The following CSNK1G1 variants were observed in gnomAD, a reference collection of about 807,000 sequenced individuals.
The protein encoded by CSNK1G1 is casein kinase I isoform gamma-1.
Under a neutral mutation model 59.6 loss-of-function variants are expected in CSNK1G1, and 22 were observed. That is an observed-to-expected ratio of 0.37 (90% CI 0.26 to 0.53). The LOEUF (loss-of-function observed/expected upper bound fraction) is 0.53. CSNK1G1 is among the 20% of genes least tolerant of loss of function. CSNK1G1 has a pLI of 0.89. For synonymous variants in CSNK1G1, 179 were observed against 177.1 expected (o/e 1.01, Z -0.08); for missense variants, 384 against 519.5 (o/e 0.74, Z 2.54).
intron 2 of CSNK1G1, among the ~76,000 whole-genome samples, chr15:64,268,929 A>G (rs992812383): frequency 6.6e-6 from 1 of 152,214 alleles, no homozygotes; most frequent in African/African-American, 2.4e-5. Flanking sequence ...AATGCAGTAC[A>G]AAAGTGCTCA....
Position 64,274,571 on chromosome 15 carries a change from A to G in CSNK1G1, c.182-15330T>C, listed in dbSNP as rs545557791. Among the ~76,000 whole-genome samples, 6 of 152,288 alleles carry G rather than the reference A, an allele frequency of 3.9e-5. No individual in the cohort carries two copies. In the East Asian group the frequency reaches 9.7e-4, roughly 24 times the overall value. On this transcript the variant is annotated intron_variant, in intron 2 of 11. Transcript: ENST00000303052. ...CGCTTCCCAAGCTCACTTCCTGGCT[A>G]TTGGTTCCTTTATTCTTAATAGAAA...
intron 10 of CSNK1G1, among the ~76,000 whole-genome samples, chr15:64,197,769 C>A (rs544051004): frequency 3.2e-4 from 48 of 152,234 alleles, no homozygotes; most frequent in African/African-American, 1.1e-3. Context: ...GCTTAAAAAT[C>A]TTTAGTCCCT....
At chr15:64,238,444 G>C (rs1273715926) in intron 4 of CSNK1G1, among the ~76,000 whole-genome samples, 1 of 127,776 alleles carries the variant, frequency 7.8e-6, no homozygotes, top group African/African-American at 3.0e-5. Context: ...AGTAAGCTAT[G>C]ATCACGCCAC....
At chr15:64,316,519 G>C (rs1348584091) in intron 1 of CSNK1G1, among the ~76,000 whole-genome samples, 1 of 116,878 alleles carries the variant, frequency 8.6e-6, no homozygotes, top group African/African-American at 3.4e-5. Flanking sequence ...CTGGACGAGA[G>C]AGCAAGACTC....
At chr15:64,279,326 T>C (rs375514232) in intron 2 of CSNK1G1, among the ~76,000 whole-genome samples, 3 of 152,240 alleles carry the variant, frequency 2.0e-5, no homozygotes, top group African/African-American at 7.2e-5. Context: ...TTTTGACTGC[T>C]ATTGTAGGAA....
intron 2 of CSNK1G1, among the ~76,000 whole-genome samples, chr15:64,262,888 G>C (rs1014862959): frequency 6.6e-6 from 1 of 152,026 alleles, no homozygotes; most frequent in Non-Finnish European, 1.5e-5. Flanking sequence ...AGACCAGCCT[G>C]ACCAACATGG....
intron 11 of CSNK1G1, among the ~76,000 whole-genome samples, chr15:64,173,933 C>T (rs773238127): frequency 3.3e-5 from 5 of 152,014 alleles, no homozygotes; most frequent in East Asian, 1.9e-4. Flanking sequence ...TTTTTCTATA[C>T]GTAATGCTTT....
intron 1 of CSNK1G1, among the ~76,000 whole-genome samples, chr15:64,347,452 A>T (rs919020541): frequency 1.3e-5 from 2 of 151,982 alleles, no homozygotes; most frequent in African/African-American, 4.8e-5. Context: ...TACAACAGAA[A>T]ATTATTCAGC....
chr15:64,246,703 C>A (rs1275532424), intron 4 of CSNK1G1, among the ~76,000 whole-genome samples: 1 of 151,020 alleles, frequency 6.6e-6, no homozygotes, highest in Non-Finnish European at 1.5e-5. Flanking sequence ...TATAAGAGAG[C>A]CAAATCAGAA....
intron 10 of CSNK1G1, among the ~76,000 whole-genome samples, chr15:64,182,427 A>G (rs1436535690): frequency 1.3e-5 from 2 of 152,294 alleles, no homozygotes; most frequent in East Asian, 3.9e-4. Flanking sequence ...GGAGACTTAA[A>G]GATTAAAACG....
chr15:64,313,809 A>C (rs112690120), intron 1 of CSNK1G1, among the ~76,000 whole-genome samples: 2,222 of 151,238 alleles, frequency 0.015, 52 homozygotes, highest in African/African-American at 0.045. Flanking sequence ...AAAAAACCCC[A>C]AAAACCAAGA....
At chr15:64,319,472 T>C (rs181832152) in intron 1 of CSNK1G1, among the ~76,000 whole-genome samples, 1 of 152,328 alleles carries the variant, frequency 6.6e-6, no homozygotes, top group Admixed American at 6.5e-5. Flanking sequence ...AAGTGCTTTC[T>C]TGAGGTGATT....
intron 1 of CSNK1G1, among the ~76,000 whole-genome samples, chr15:64,343,105 G>C (rs545241414): frequency 3.3e-5 from 5 of 151,792 alleles, no homozygotes; most frequent in Non-Finnish European, 7.4e-5. Context: ...CCAGCTATTC[G>C]GGAGGCCAAG....
chr15:64,225,482 G>T (rs2082447580), intron 4 of CSNK1G1, among the ~76,000 whole-genome samples: 1 of 152,154 alleles, frequency 6.6e-6, no homozygotes, highest in Non-Finnish European at 1.5e-5. Flanking sequence ...TAGGTGAGAT[G>T]CCTCTGATTG....
At chr15:64,201,745 TG>T (rs879781728) in intron 10 of CSNK1G1, among the ~76,000 whole-genome samples, 4,304 of 136,838 alleles carry the variant, frequency 0.031, 70 homozygotes, top group South Asian at 0.057. Flanking sequence ...TGTGTGTGTG[TG>T]TGTGTTTATA....
chr15:64,217,835 T>A (rs1331950902), intron 4 of CSNK1G1, among the ~76,000 whole-genome samples: 1 of 151,714 alleles, frequency 6.6e-6, no homozygotes, highest in African/African-American at 2.4e-5. Flanking sequence ...AAAAAAAGAT[T>A]ATAGAACACT....
At chr15:64,323,562 T>C (rs1896681169) in intron 1 of CSNK1G1, among the ~76,000 whole-genome samples, 1 of 151,350 alleles carries the variant, frequency 6.6e-6, no homozygotes, top group African/African-American at 2.4e-5. Flanking sequence ...ATGGGGTTTC[T>C]CCATGTTGGT....
chr15:64,180,006 T>C, intron 11 of CSNK1G1: 1 of 203,706 alleles, frequency 4.9e-6, no homozygotes, highest in Non-Finnish European at 1.0e-5. Flanking sequence ...TGGCCCATGG[T>C]TTAACAGCAG....
In CSNK1G1 at chr15:64,166,233, A is replaced by C. The variant is rs1287533416; in HGVS notation, c.*5698T>G. On this transcript the variant is annotated 3_prime_UTR_variant, in exon 12 of 12. Coordinates refer to ENST00000303052, the MANE Select transcript of CSNK1G1 (RefSeq NM_022048.5). This position sits in a 1 kb window ranked among gnomAD's most constrained non-coding sequence, Gnocchi z 4.5. ...ATCTTTTTAAGAGTACAATGGGCAA[A>C]GATCAAAGACAGATAAATAATAATA... is the stretch of plus-strand genomic sequence containing the variant. 2.3e-6 allele frequency: 1 copy of C among 429,336 alleles called. No individual in the cohort carries two copies. The highest frequency in any genetic ancestry group is 4.1e-6 in the Non-Finnish European group (1 of 243,904). 26.6% of individuals were successfully genotyped at this position (429,336 alleles called of 1,614,324 possible).
Sources: gnomAD v4.1 joint callset for allele counts (sites outside exome capture counted in the v4.1 genomes callset) on GRCh38, gnomAD v4.1.1 for gene constraint, Gnocchi (gnomAD v3.1) non-coding constraint, MANE v1.5 for transcripts, NCBI Gene and HGNC (gene_info 2026-07-23, HGNC 2026-07-21) for gene names.